CRYL1: variants seen among roughly 807,000 people sequenced by gnomAD.
The protein encoded by CRYL1 is lambda-crystallin homolog.
CRYL1 carries 29 observed loss-of-function variants against 36.6 expected under a neutral mutation model. The observed-to-expected ratio is 0.79, with a 90% CI of 0.59 to 1.08. CRYL1 has a LOEUF of 1.08. Ranked by LOEUF, CRYL1 falls within the 50% of genes least tolerant of loss-of-function variation. The pLI is 0.00. For synonymous variants in CRYL1, 152 were observed against 151.5 expected, an observed-to-expected ratio of 1.00 and a Z score of -0.02; for missense variants, 411 against 407.9, an observed-to-expected ratio of 1.01 and a Z score of -0.06.
rs1348263534 is a variant in CRYL1, at chr13:20,484,628, T to C, written c.276+4742A>G. ...CAGAGGTTGCAGTGAGCCAAGATTG[T>C]GCCACTTCTCTCTGATACAGCCCCG... On this transcript the variant is annotated intron_variant, in intron 3 of 7. Coordinates refer to ENST00000298248, the MANE Select transcript of CRYL1 (RefSeq NM_015974.3). Among the ~76,000 whole-genome samples the C allele has an allele frequency of 2.0e-5, 3 of 152,070 alleles. No homozygotes were observed. The East Asian group carries it at 5.8e-4, about 29-fold the overall frequency.
At chr13:20,482,021 A>AC (rs2033289159) in intron 3 of CRYL1, among the ~76,000 whole-genome samples, 1 of 151,624 alleles carries the variant, frequency 6.6e-6, no homozygotes, top group Non-Finnish European at 1.5e-5. Context: ...TGCTGCCTGA[A>AC]CCCCCCACCC....
At chr13:20,470,918 A>C (rs1804554279) in intron 3 of CRYL1, among the ~76,000 whole-genome samples, 1 of 150,326 alleles carries the variant, frequency 6.7e-6, no homozygotes, top group Middle Eastern at 3.4e-3. Flanking sequence ...CTCAAAAAAA[A>C]AAAAAAAACA....
intron 5 of CRYL1, among the ~76,000 whole-genome samples, chr13:20,417,593 G>C (rs1223321383): frequency 6.6e-6 from 1 of 152,198 alleles, no homozygotes; most frequent in Admixed American, 6.5e-5. Flanking sequence ...TTCAAAACAT[G>C]GTTTCGCGTC....
At chr13:20,433,238 C>CA (rs1174473143) in intron 4 of CRYL1, among the ~76,000 whole-genome samples, 3 of 152,172 alleles carry the variant, frequency 2.0e-5, no homozygotes, top group African/African-American at 7.2e-5. Context: ...CTTCACTGTT[C>CA]AACTCTGGTG....
intron 2 of CRYL1, among the ~76,000 whole-genome samples, chr13:20,512,136 G>T (rs556146596): frequency 1.3e-4 from 20 of 152,336 alleles, no homozygotes; most frequent in African/African-American, 4.6e-4. Flanking sequence ...TGCCTAGATG[G>T]AAGCAGGAAA....
At chr13:20,443,496 G>A (rs528567070) in intron 3 of CRYL1, among the ~76,000 whole-genome samples, 36 of 152,140 alleles carry the variant, frequency 2.4e-4, no homozygotes, top group Admixed American at 7.2e-4. Context: ...TATGTCAAGC[G>A]AGTCTCCTGC....
intron 2 of CRYL1, among the ~76,000 whole-genome samples, chr13:20,500,143 C>T (rs904029024): frequency 1.3e-5 from 2 of 152,212 alleles, no homozygotes; most frequent in Non-Finnish European, 1.5e-5. Flanking sequence ...ATGGACGGAA[C>T]TAATGGAGGA....
At chr13:20,483,485 T>C (rs1174105583) in intron 3 of CRYL1, among the ~76,000 whole-genome samples, 3 of 152,116 alleles carry the variant, frequency 2.0e-5, no homozygotes, top group Non-Finnish European at 2.9e-5. Context: ...ACTTGGACTG[T>C]AACGTACCAC....
At chr13:20,468,527 T>C (rs1269909264) in intron 3 of CRYL1, among the ~76,000 whole-genome samples, 1 of 152,234 alleles carries the variant, frequency 6.6e-6, no homozygotes, top group East Asian at 1.9e-4. Context: ...CACTGACCAT[T>C]AACTGAACAA....
intron 6 of CRYL1, among the ~76,000 whole-genome samples, chr13:20,405,029 G>T (rs1371251329): frequency 6.6e-6 from 1 of 152,180 alleles, no homozygotes; most frequent in Non-Finnish European, 1.5e-5. Flanking sequence ...CAGCACTTTG[G>T]GAGGCCAAGG....
intron 1 of CRYL1, chr13:20,513,552 G>A (rs1391987828): frequency 6.6e-6 from 1 of 152,182 alleles, no homozygotes; most frequent in Non-Finnish European, 1.5e-5. Context: ...CTACATAAGT[G>A]ATAAACTGAG....
chr13:20,497,343 T>A (rs866624179), intron 2 of CRYL1, among the ~76,000 whole-genome samples: 7 of 43,034 alleles, frequency 1.6e-4, no homozygotes, highest in African/African-American at 3.8e-4. Flanking sequence ...CCACACACAC[T>A]ACACACACAC....
intron 2 of CRYL1, among the ~76,000 whole-genome samples, chr13:20,511,209 C>T (rs907915420): frequency 2.0e-5 from 3 of 151,994 alleles, no homozygotes; most frequent in Admixed American, 6.6e-5. Flanking sequence ...CTCAGCCTCC[C>T]GAGTAGCTAG....
chr13:20,511,996 A>T (rs1221640704), intron 2 of CRYL1, among the ~76,000 whole-genome samples: 3 of 152,158 alleles, frequency 2.0e-5, no homozygotes, highest in African/African-American at 7.2e-5. Context: ...CTCTAACTAA[A>T]ATTCAAGATG....
chr13:20,491,457 A>G (rs972352978), intron 2 of CRYL1, among the ~76,000 whole-genome samples: 1 of 152,188 alleles, frequency 6.6e-6, no homozygotes, highest in Non-Finnish European at 1.5e-5. Flanking sequence ...AGGCATTTTC[A>G]AATTTTCATA....
Position 20,525,705 on chromosome 13 carries a change from G to A in CRYL1, c.41+49C>T. On this transcript the variant is annotated intron_variant, in intron 1 of 7. Coordinates refer to ENST00000298248, the MANE Select transcript of CRYL1 (RefSeq NM_015974.3). This position sits in a 1 kb window ranked among gnomAD's most constrained non-coding sequence, Gnocchi z 4.3. ...CCCCACGCGAGGGCACCACGTCCCC[G>A]GCGTCTCCCCGGGCTCCAGGGGCAG... The A allele has an allele frequency of 7.5e-7, 1 of 1,325,964 alleles. No individual in the cohort carries two copies. The highest frequency in any genetic ancestry group is 9.7e-7 in the Non-Finnish European group (1 of 1,032,662). The allele number at this position is 1,325,964 out of a possible 1,614,324, so 82.1% of individuals were successfully genotyped here. A position where few individuals can be genotyped will look rare whatever the true frequency, so the allele number is the denominator to read the frequency against.
chr13:20,478,416 C>G (rs1363107866), intron 3 of CRYL1, among the ~76,000 whole-genome samples: 1 of 152,124 alleles, frequency 6.6e-6, no homozygotes, highest in African/African-American at 2.4e-5. Context: ...TTCTCACTTG[C>G]ACTATAATAT....
At chr13:20,457,174 G>A (rs974931227) in intron 3 of CRYL1, among the ~76,000 whole-genome samples, 3 of 152,074 alleles carry the variant, frequency 2.0e-5, no homozygotes, top group Admixed American at 2.0e-4. Context: ...CCACAGCCTC[G>A]GCCCTGGGCT....
At chr13:20,412,968 C>G (rs2031560797) in intron 6 of CRYL1, among the ~76,000 whole-genome samples, 1 of 152,220 alleles carries the variant, frequency 6.6e-6, no homozygotes, top group African/African-American at 2.4e-5. Context: ...CCTCAGGAAA[C>G]TACCACTTTC....
Sources: allele counts gnomAD v4.1 joint callset (sites outside exome capture counted in the v4.1 genomes callset), GRCh38; gene constraint gnomAD v4.1.1; non-coding constraint Gnocchi (gnomAD v3.1); transcripts MANE v1.5; gene names NCBI Gene and HGNC (gene_info 2026-07-23, HGNC 2026-07-21).